Variants in NFIA observed in about 807,000 individuals in gnomAD.
The protein encoded by NFIA is nuclear factor 1 A-type.
NFIA carries 8 observed loss-of-function variants against 62.8 expected under a neutral mutation model. That is an observed-to-expected ratio of 0.13 (90% confidence interval 0.07 to 0.23). The LOEUF is 0.23. Ranked by LOEUF, NFIA falls within the 10% of genes least tolerant of loss-of-function variation. The pLI is 1.00. For missense variants in NFIA, 410 were observed against 642.1 expected (o/e 0.64, Z 3.91); for synonymous variants, 235 against 238.1 (o/e 0.99, Z 0.12).
intron 2 of NFIA, among the ~76,000 whole-genome samples, chr1:61,173,482 G>A (rs1404938125): frequency 1.3e-5 from 2 of 151,982 alleles, no homozygotes. Flanking sequence ...CCACCTCCTG[G>A]GTTCAAGTGA....
intron 4 of NFIA, among the ~76,000 whole-genome samples, chr1:61,337,975 G>A (rs1170961476): frequency 2.0e-5 from 3 of 152,022 alleles, no homozygotes; most frequent in Middle Eastern, 3.2e-3. Context: ...GAGTGACTTC[G>A]AAACCCTAAC....
At chr1:61,432,597 A>G (rs571103558) in intron 10 of NFIA, among the ~76,000 whole-genome samples, 41 of 138,162 alleles carry the variant, frequency 3.0e-4, no homozygotes, top group South Asian at 1.1e-3. Context: ...ATGTGTGTAT[A>G]TATATATATA....
In NFIA at chr1:61,456,526, A is replaced by G. The variant is rs540657541; in HGVS notation, c.*1206A>G. The G allele has an allele frequency of 1.6e-4, 24 of 152,348 alleles. No individual in the cohort carries two copies. The highest frequency in any genetic ancestry group is 5.5e-4 in the African/African-American group (23 of 41,518). The allele number at this position is 152,348 out of a possible 1,614,324, so 9.4% of individuals were successfully genotyped here. On this transcript the variant is annotated 3_prime_UTR_variant, in exon 11 of 11. Transcript: ENST00000403491. Reference sequence around the variant, plus strand: ...ATTTTATAAGCTAGAAGTCACTATAATGGATTACGCCAATTCTAAAAAATT... The same window carrying G: ...ATTTTATAAGCTAGAAGTCACTATAGTGGATTACGCCAATTCTAAAAAATT...
intron 7 of NFIA, among the ~76,000 whole-genome samples, chr1:61,403,647 T>C (rs1314060987): frequency 6.6e-6 from 1 of 152,298 alleles, no homozygotes; most frequent in East Asian, 1.9e-4. Flanking sequence ...CCCTAGAAAT[T>C]TCCTTGAAAG....
chr1:61,191,474 T>G (rs1166363361), intron 2 of NFIA, among the ~76,000 whole-genome samples: 1 of 152,090 alleles, frequency 6.6e-6, no homozygotes, highest in Non-Finnish European at 1.5e-5. Flanking sequence ...GCCTCCTCCC[T>G]TTCCCAGCAC....
intron 7 of NFIA, among the ~76,000 whole-genome samples, chr1:61,394,174 C>G (rs1017256773): frequency 1.3e-5 from 2 of 152,018 alleles, no homozygotes; most frequent in African/African-American, 4.8e-5. Context: ...TTCTTTCTTA[C>G]CCCCCTCTGC....
intron 4 of NFIA, among the ~76,000 whole-genome samples, chr1:61,336,870 C>G (rs1372958523): frequency 3.9e-5 from 6 of 152,210 alleles, no homozygotes; most frequent in Admixed American, 1.3e-4. Context: ...CTGAAAATTT[C>G]ACAGTCATCA....
chr1:61,316,649 C>G (rs1660381756), intron 3 of NFIA, among the ~76,000 whole-genome samples: 1 of 152,168 alleles, frequency 6.6e-6, no homozygotes, highest in African/African-American at 2.4e-5. Flanking sequence ...CAAGAGCGCT[C>G]TTACTTGGAG....
At position 61,356,973 on chromosome 1, in the gene NFIA, G is replaced by A. The variant is rs148630805; in HGVS notation, c.819-2174G>A. 4.2e-3 allele frequency among the ~76,000 whole-genome samples: 632 copies of A among 152,224 alleles called. 2 individuals are homozygous for A. Among genetic ancestry groups the A allele is most frequent in the Middle Eastern group, 6.8e-3 (2 of 294 alleles). ...CTTTGCCTTTCTAAATCTATCATCT[G>A]CACAATTACCAAAGTAACTTTTCTA... On this transcript the variant is annotated intron_variant, in intron 5 of 10. Coordinates refer to ENST00000403491, the MANE Select transcript of NFIA (RefSeq NM_001134673.4).
chr1:61,226,211 G>A (rs1219633881), intron 2 of NFIA, among the ~76,000 whole-genome samples: 1 of 152,152 alleles, frequency 6.6e-6, no homozygotes, highest in Non-Finnish European at 1.5e-5. Context: ...TCATGCTGTC[G>A]ACGTTAAGCA....
At chr1:61,225,712 A>AT (rs1322773700) in intron 2 of NFIA, among the ~76,000 whole-genome samples, 1 of 152,078 alleles carries the variant, frequency 6.6e-6, no homozygotes, top group African/African-American at 2.4e-5. Context: ...ATCGCAATAT[A>AT]TATGTTTGCA....
At chr1:61,352,785 G>GCACA (rs1302904766) in intron 5 of NFIA, among the ~76,000 whole-genome samples, 1 of 115,742 alleles carries the variant, frequency 8.6e-6, no homozygotes, top group Admixed American at 9.0e-5. Context: ...ACACACACAC[G>GCACA]CACACACACT....
intron 7 of NFIA, among the ~76,000 whole-genome samples, chr1:61,391,201 C>T (rs1338155308): frequency 2.0e-5 from 3 of 152,182 alleles, no homozygotes; most frequent in South Asian, 4.1e-4. Flanking sequence ...GCTGGGACTA[C>T]AGGCGCATGC....
chr1:61,397,095 A>G lies in NFIA; in HGVS notation c.1076-7009A>G, dbSNP rs575623691. Among the ~76,000 whole-genome samples, 6 of 152,276 alleles carry G rather than the reference A, an allele frequency of 3.9e-5. No homozygotes were observed. In the South Asian group the frequency reaches 1.2e-3, roughly 32 times the overall value. ...TGGACACTCAAGGATTGTAGGTCTA[A>G]GTGAAAAATAGCATCTAAAGGGAGA... On this transcript the variant is annotated intron_variant, in intron 7 of 10. Coordinates refer to ENST00000403491, the MANE Select transcript of NFIA (RefSeq NM_001134673.4).
At chr1:61,453,443 C>CTTTTTT (rs11336299) in intron 10 of NFIA, among the ~76,000 whole-genome samples, 318 of 78,858 alleles carry the variant, frequency 4.0e-3, no homozygotes, top group Non-Finnish European at 4.4e-3. Flanking sequence ...TGTGAAGAAA[C>CTTTTTT]TTTTTTTTTT....
intron 2 of NFIA, among the ~76,000 whole-genome samples, chr1:61,093,739 C>G (rs1233738844): frequency 3.3e-5 from 5 of 152,112 alleles, no homozygotes. Flanking sequence ...TGGAGTAAAC[C>G]TTTGAATGGA....
chr1:61,386,516 A>G (rs1416283504), intron 7 of NFIA, among the ~76,000 whole-genome samples: 1 of 152,168 alleles, frequency 6.6e-6, no homozygotes, highest in African/African-American at 2.4e-5. Flanking sequence ...TATCACGGGA[A>G]TGCTTCAACT....
chr1:61,226,322 T>C (rs1452891330), intron 2 of NFIA, among the ~76,000 whole-genome samples: 3 of 152,364 alleles, frequency 2.0e-5, no homozygotes, highest in Admixed American at 1.3e-4. Flanking sequence ...TGATAGACCA[T>C]ACTAACACCT....
intron 2 of NFIA, among the ~76,000 whole-genome samples, chr1:61,212,590 G>T (rs1653336279): frequency 6.6e-6 from 1 of 152,122 alleles, no homozygotes; most frequent in Non-Finnish European, 1.5e-5. Flanking sequence ...TTAAAAAGAG[G>T]CTGTAAAACA....
Sources: gnomAD v4.1 joint callset for allele counts (sites outside exome capture counted in the v4.1 genomes callset) on GRCh38, gnomAD v4.1.1 for gene constraint, MANE v1.5 for transcripts, NCBI Gene and HGNC (gene_info 2026-07-23, HGNC 2026-07-21) for gene names.